USH2A: variants seen among roughly 807,000 people sequenced by gnomAD.
USH2A encodes Usher syndrome 2A (autosomal recessive, mild).
A neutral mutation model predicts 538.9 loss-of-function variants in USH2A; 443 were observed. The observed-to-expected ratio is 0.82, with a 90% CI of 0.76 to 0.89. USH2A has a LOEUF of 0.89. Among genes scored for constraint, USH2A ranks in the 40% least tolerant of loss-of-function variants. USH2A has a pLI of 0.00. For synonymous variants in USH2A, 2,413 were observed against 2,273.5 expected (o/e 1.06, Z -1.75); for missense variants, 6,633 against 6,324.8 (o/e 1.05, Z -1.65).
chr1:215,980,858 T>G (rs1418652270), intron 35 of USH2A, among the ~76,000 whole-genome samples: 1 of 152,140 alleles, frequency 6.6e-6, no homozygotes, highest in East Asian at 1.9e-4. Context: ...CTACTCTTGA[T>G]AGATATTTAG....
chr1:216,061,948 G>T (rs2031201963), intron 30 of USH2A, among the ~76,000 whole-genome samples: 2 of 152,124 alleles, frequency 1.3e-5, no homozygotes, highest in African/African-American at 2.4e-5. Context: ...CATCATCTTA[G>T]CAAAGGCTTT....
At chr1:215,713,187 T>C (rs1406227179) in intron 61 of USH2A, among the ~76,000 whole-genome samples, 1 of 152,230 alleles carries the variant, frequency 6.6e-6, no homozygotes, top group African/African-American at 2.4e-5. Context: ...GACACCATGA[T>C]ATCTTCATGT....
chr1:216,215,229 C>T (rs1023745611), intron 15 of USH2A, among the ~76,000 whole-genome samples: 2 of 152,032 alleles, frequency 1.3e-5, no homozygotes, highest in Non-Finnish European at 2.9e-5. Flanking sequence ...GGTTATAATC[C>T]TGCAGTTCCC....
rs1033573105 is a variant in USH2A, at chr1:215,983,722, A to G, written c.6805+9298T>C. 2.6e-5 allele frequency among the ~76,000 whole-genome samples: 4 copies of G among 152,328 alleles called. No homozygotes were observed. The East Asian group carries it at 7.7e-4, about 29-fold the overall frequency. On this transcript the variant is annotated intron_variant, in intron 35 of 71. Coordinates refer to ENST00000307340, the MANE Select transcript of USH2A (RefSeq NM_206933.4). The stretch of plus-strand genomic sequence containing the variant: ...GGGTTTCAACAGGAAACCAATGACA[A>G]CTCAAATGGCATGGAAAAGATTTTA...
intron 14 of USH2A, among the ~76,000 whole-genome samples, chr1:216,225,954 T>C (rs1383415840): frequency 6.6e-6 from 1 of 152,058 alleles, no homozygotes; most frequent in African/African-American, 2.4e-5. Flanking sequence ...GCCATTAACA[T>C]GTATGTAGTG....
chr1:216,114,642 G>A (rs936155657), intron 21 of USH2A, among the ~76,000 whole-genome samples: 12 of 152,106 alleles, frequency 7.9e-5, no homozygotes, highest in African/African-American at 2.9e-4. Flanking sequence ...GGCTAAAAGA[G>A]GAAGAAAGCA....
At chr1:215,982,342 T>C (rs1314384329) in intron 35 of USH2A, among the ~76,000 whole-genome samples, 1 of 152,226 alleles carries the variant, frequency 6.6e-6, no homozygotes, top group African/African-American at 2.4e-5. Flanking sequence ...CCCTTGCTTC[T>C]AGTATGAGTT....
intron 22 of USH2A, among the ~76,000 whole-genome samples, chr1:216,095,759 G>T (rs553898105): frequency 6.6e-6 from 1 of 151,998 alleles, no homozygotes; most frequent in Non-Finnish European, 1.5e-5. Context: ...AGTCTGGCAG[G>T]GTCCTCAGAT....
At chr1:216,214,300 A>G (rs2035302100) in intron 15 of USH2A, among the ~76,000 whole-genome samples, 1 of 152,052 alleles carries the variant, frequency 6.6e-6, no homozygotes, top group Non-Finnish European at 1.5e-5. Context: ...TCTAAATGTC[A>G]ACTGATCAAT....
In USH2A at chr1:215,867,047, G is replaced by A. The variant is rs111033534; in HGVS notation, c.8805C>T (p.Val2935=). Residue 2935 remains valine, a synonymous_variant, in exon 44 of 72, where the codon GTC becomes GTT. Coordinates refer to ENST00000307340, the MANE Select transcript of USH2A (RefSeq NM_206933.4). The part of the protein sequence containing the change: ...PERGANLTAS[V]LNHTAIDVRW... The stretch of plus-strand genomic sequence containing the variant: ...TCACGTCGATGGCTGTGTGGTTAAG[G>A]ACACTCGCAGTGAGATTGGCTCCTC... 6.7e-4 allele frequency: 1,089 copies of A among 1,614,094 alleles called. 2 individuals are homozygous for A. The highest frequency in any genetic ancestry group is 7.4e-4 in the Non-Finnish European group (878 of 1,180,006).
chr1:216,397,386 G>A (rs754257073), intron 3 of USH2A, among the ~76,000 whole-genome samples: 4 of 152,150 alleles, frequency 2.6e-5, no homozygotes, highest in Non-Finnish European at 5.9e-5. Context: ...ATACCTAGAT[G>A]GCTGGTAAAG....
chr1:216,046,377 G>C, intron 32 of USH2A, 54 bp downstream of exon 32: 1 of 1,605,902 alleles, frequency 6.2e-7, no homozygotes. Context: ...CTATATGTAT[G>C]TTTATATTTG....
At chr1:215,720,719 G>C (rs959752611) in intron 61 of USH2A, among the ~76,000 whole-genome samples, 1 of 151,986 alleles carries the variant, frequency 6.6e-6, no homozygotes, top group African/African-American at 2.4e-5. Context: ...GGCAAAAAAA[G>C]GTTGTAGGGT....
At chr1:216,283,006 G>A (rs2036811414) in intron 11 of USH2A, among the ~76,000 whole-genome samples, 1 of 152,064 alleles carries the variant, frequency 6.6e-6, no homozygotes, top group Non-Finnish European at 1.5e-5. Context: ...TTTTCAGATT[G>A]TTCAGTGCAA....
intron 11 of USH2A, among the ~76,000 whole-genome samples, chr1:216,284,896 G>A (rs753795695): frequency 3.9e-5 from 6 of 152,196 alleles, no homozygotes; most frequent in Non-Finnish European, 7.3e-5. Flanking sequence ...GCTATGCAAA[G>A]AGGCTGGTGG....
At chr1:216,047,657 G>A (rs1316765237) in intron 31 of USH2A, among the ~76,000 whole-genome samples, 1 of 152,094 alleles carries the variant, frequency 6.6e-6, no homozygotes, top group Non-Finnish European at 1.5e-5. Context: ...GCTTGGTAAA[G>A]GGTTTAAAAG....
intron 50 of USH2A, among the ~76,000 whole-genome samples, chr1:215,796,616 A>C (rs1662144584): frequency 6.6e-6 from 1 of 152,026 alleles, no homozygotes; most frequent in Non-Finnish European, 1.5e-5. Context: ...AGGCCTTCCT[A>C]TTCTCTGAGG....
intron 38 of USH2A, among the ~76,000 whole-genome samples, chr1:215,907,952 C>A (rs1340080271): frequency 6.6e-6 from 1 of 151,604 alleles, no homozygotes; most frequent in African/African-American, 2.4e-5. Flanking sequence ...TGTTAGAATC[C>A]CGAACATATT....
intron 32 of USH2A, among the ~76,000 whole-genome samples, chr1:216,010,862 C>G (rs1404124142): frequency 1.3e-5 from 2 of 151,858 alleles, no homozygotes; most frequent in Non-Finnish European, 2.9e-5. Context: ...TCCTTTGCGT[C>G]CTCCTCTTGT....
Sources: gnomAD v4.1 joint callset for allele counts (sites outside exome capture counted in the v4.1 genomes callset) on GRCh38, gnomAD v4.1.1 for gene constraint, MANE v1.5 for transcripts, NCBI Gene and HGNC (gene_info 2026-07-23, HGNC 2026-07-21) for gene names.